PIK3C2A: variants seen among roughly 807,000 people sequenced by gnomAD.
PIK3C2A encodes the protein phosphatidylinositol-4-phosphate 3-kinase catalytic subunit type 2 alpha, also known as phosphatidylinositol 4-phosphate 3-kinase C2 domain-containing subunit alpha.
In PIK3C2A, 97 loss-of-function variants were observed where a neutral mutation model predicts 204.5. The observed-to-expected ratio is 0.47, with a 90% CI of 0.40 to 0.56. The LOEUF (loss-of-function observed/expected upper bound fraction) is 0.56, where lower values mean the gene tolerates loss of function less well. PIK3C2A is among the 20% of genes least tolerant of loss of function. The pLI, the probability that PIK3C2A is intolerant of heterozygous loss-of-function variation, is 0.00. For missense variants in PIK3C2A, 1,735 were observed against 1,969.2 expected (o/e 0.88, Z 2.25); for synonymous variants, 653 against 664.4 (o/e 0.98, Z 0.26).
At chr11:17,137,965 A>C in intron 8 of PIK3C2A, 1 of 525,428 alleles carries the variant, frequency 1.9e-6, no homozygotes, top group South Asian at 1.8e-5. Context: ...TACTCAAAAA[A>C]GCTTCATCTT....
chr11:17,149,132 TAAAC>T (rs1183095437), intron 4 of PIK3C2A, among the ~76,000 whole-genome samples: 2 of 152,160 alleles, frequency 1.3e-5, no homozygotes, highest in East Asian at 1.9e-4. Context: ...CATTATTCCT[TAAAC>T]AATACAGTAC....
rs909947259 is a variant in PIK3C2A, at chr11:17,087,207, T to C, written c.*2531A>G. 2 of 152,202 alleles carry C rather than the reference T, an allele frequency of 1.3e-5. No individual in the cohort carries two copies. The highest frequency in any genetic ancestry group is 4.8e-5 in the African/African-American group (2 of 41,470). 9.4% of individuals were successfully genotyped at this position (152,202 alleles called of 1,614,324 possible). ...TTGTGATTATACATAAAAATTAGTG[T>C]CTTGGCCAGTTTGTTAAACTTTTTT... is the stretch of plus-strand genomic sequence containing the variant. On this transcript the variant is annotated 3_prime_UTR_variant, in exon 33 of 33. Transcript: ENST00000691414.
intron 1 of PIK3C2A, among the ~76,000 whole-genome samples, chr11:17,191,688 T>C (rs1218292170): frequency 6.6e-6 from 1 of 152,172 alleles, no homozygotes; most frequent in African/African-American, 2.4e-5. Flanking sequence ...TATCGAAACT[T>C]TGGGAACCTC....
chr11:17,191,970 T>TAA (rs1194219889), intron 1 of PIK3C2A, among the ~76,000 whole-genome samples: 10 of 117,770 alleles, frequency 8.5e-5, no homozygotes, highest in African/African-American at 1.2e-4. Context: ...CTGCTTCTAC[T>TAA]AAAAAAAAAA....
chr11:17,169,583 T>A lies in PIK3C2A; in HGVS notation c.159A>T (p.Arg53Ser). 1 of 1,614,156 alleles carries A rather than the reference T, an allele frequency of 6.2e-7. No homozygotes were observed. Residue 53 changes from arginine to serine, a missense_variant, in exon 2 of 33, where the codon AGA becomes AGT. Physicochemically the swap from Arg to Ser is moderately radical, Grantham distance 110. Coordinates refer to ENST00000691414, the MANE Select transcript of PIK3C2A (RefSeq NM_002645.4). The stretch of plus-strand genomic sequence containing the variant: ...TGGTGCTGCTTGACAACTCAAAGCC[T>A]CTCTGATTGTCAGTCACTTGTCTAT... ...QKDRQVTDNQRGFELSSSTRK... is the reference protein window; with the variant it reads ...QKDRQVTDNQSGFELSSSTRK...
chr11:17,145,233 CA>C (rs1459325796), intron 8 of PIK3C2A, among the ~76,000 whole-genome samples: 13 of 152,158 alleles, frequency 8.5e-5, no homozygotes, highest in Admixed American at 7.9e-4. Flanking sequence ...TAGGAGGGGC[CA>C]GGGGCACAAT....
At chr11:17,199,106 G>A (rs1852271476) in intron 1 of PIK3C2A, among the ~76,000 whole-genome samples, 1 of 147,274 alleles carries the variant, frequency 6.8e-6, no homozygotes, top group South Asian at 2.2e-4. Flanking sequence ...GCAACAGAGT[G>A]AGACACCGTC....
At chr11:17,205,750 A>C (rs2137596759) in intron 1 of PIK3C2A, among the ~76,000 whole-genome samples, 1 of 152,346 alleles carries the variant, frequency 6.6e-6, no homozygotes, top group African/African-American at 2.4e-5. Context: ...AAACAAACTT[A>C]GTATACAGTT....
intron 26 of PIK3C2A, among the ~76,000 whole-genome samples, chr11:17,098,474 AC>A (rs1848516954): frequency 6.6e-6 from 1 of 152,124 alleles, no homozygotes; most frequent in Non-Finnish European, 1.5e-5. Context: ...GACCTCATAG[AC>A]TCCAGAACTG....
intron 1 of PIK3C2A, among the ~76,000 whole-genome samples, chr11:17,174,757 G>T (rs990638391): frequency 3.3e-5 from 5 of 151,922 alleles, no homozygotes; most frequent in African/African-American, 1.2e-4. Context: ...AATTTAGCTG[G>T]GTGTGGTGGC....
intron 15 of PIK3C2A, among the ~76,000 whole-genome samples, chr11:17,120,329 C>T (rs927815707): frequency 3.3e-5 from 5 of 150,690 alleles, no homozygotes; most frequent in Admixed American, 1.3e-4. Context: ...CCATTTCGTA[C>T]AAATAAAATC....
At position 17,145,846 on chromosome 11, in the gene PIK3C2A, T is replaced by C. The variant is rs1421067790; in HGVS notation, c.1640+17A>G. The C allele has an allele frequency of 6.8e-6, 11 of 1,606,826 alleles. No individual in the cohort carries two copies. Among genetic ancestry groups the C allele is most frequent in the Non-Finnish European group, 9.4e-6 (11 of 1,174,010 alleles). ...ACAAAGTCTGAAAACCTGCAATTAA[T>C]GCTTTAGATGATATACCTCGTCATG... On this transcript the variant is annotated intron_variant, in intron 7 of 32. Transcript: ENST00000691414.
intron 22 of PIK3C2A, among the ~76,000 whole-genome samples, chr11:17,108,592 T>C (rs987189587): frequency 6.6e-6 from 1 of 152,076 alleles, no homozygotes; most frequent in African/African-American, 2.4e-5. Context: ...CTCCAGCCTG[T>C]ATGACAGACA....
chr11:17,097,162 G>T lies in PIK3C2A; in HGVS notation c.4221C>A (p.Pro1407=). 6.2e-7 allele frequency: 1 copy of T among 1,610,578 alleles called. No individual in the cohort carries two copies. Among genetic ancestry groups the T allele is most frequent in the Non-Finnish European group, 8.5e-7 (1 of 1,176,852 alleles). ...ATGTTTTAGGTGAAAATGAAAGGAT[G>T]GGCTCATCATTAGAAGGAAGACCAG... ...RFSGLPSNDE[P]ILSFSPKTYS... The change falls in exon 27 of 33, where the codon CCC becomes CCA. Residue 1407 remains proline, a synonymous_variant. Transcript: ENST00000691414.
intron 11 of PIK3C2A, 149 bp downstream of exon 11, chr11:17,134,670 T>C: frequency 1.6e-6 from 1 of 635,504 alleles, no homozygotes; most frequent in Non-Finnish European, 2.7e-6. Flanking sequence ...TGGCTAATTT[T>C]TTTAAAATTC....
intron 2 of PIK3C2A, among the ~76,000 whole-genome samples, chr11:17,162,194 G>A (rs1020423890): frequency 4.0e-5 from 6 of 151,808 alleles, no homozygotes; most frequent in East Asian, 1.9e-4. Context: ...AAAATTTGCC[G>A]GGTGTGGTGG....
At chr11:17,191,558 G>T (rs1851945155) in intron 1 of PIK3C2A, among the ~76,000 whole-genome samples, 1 of 152,168 alleles carries the variant, frequency 6.6e-6, no homozygotes, top group South Asian at 2.1e-4. Context: ...AGACCCTCTT[G>T]AACTTGGTTC....
intron 3 of PIK3C2A, among the ~76,000 whole-genome samples, chr11:17,152,956 T>C (rs780656252): frequency 2.0e-5 from 3 of 152,264 alleles, no homozygotes; most frequent in South Asian, 2.1e-4. Context: ...CTTGAAAACA[T>C]ACAGGAAGTT....
chr11:17,184,310 G>A (rs1851679964), intron 1 of PIK3C2A, among the ~76,000 whole-genome samples: 1 of 151,814 alleles, frequency 6.6e-6, no homozygotes, highest in Admixed American at 6.6e-5. Flanking sequence ...CCTAGGAGAT[G>A]ACAGCTCCAT....
Sources: gnomAD v4.1 joint callset for allele counts (sites outside exome capture counted in the v4.1 genomes callset) on GRCh38, gnomAD v4.1.1 for gene constraint, MANE v1.5 for transcripts, NCBI Gene and HGNC (gene_info 2026-07-23, HGNC 2026-07-21) for gene names.